SHANK2: variants seen among roughly 807,000 people sequenced by gnomAD.
SHANK2 encodes SH3 and multiple ankyrin repeat domains 2, also known as SH3 and multiple ankyrin repeat domains protein 2.
SHANK2 carries 43 observed loss-of-function variants against 133.7 expected under a neutral mutation model. The ratio of observed to expected loss-of-function variants is 0.32; its 90% CI spans 0.25 to 0.41. The LOEUF (loss-of-function observed/expected upper bound fraction) is 0.41. Among genes scored for constraint, SHANK2 ranks in the 10% least tolerant of loss-of-function variants. SHANK2 has a pLI of 1.00. For synonymous variants in SHANK2, 1,017 were observed against 952.8 expected, an observed-to-expected ratio of 1.07 and a Z score of -1.24; for missense variants, 1,994 against 2,235.8, an observed-to-expected ratio of 0.89 and a Z score of 2.18.
At chr11:70,570,890 T>C (rs1460991024) in intron 17 of SHANK2, among the ~76,000 whole-genome samples, 1 of 152,190 alleles carries the variant, frequency 6.6e-6, no homozygotes, top group African/African-American at 2.4e-5. Context: ...GAAATATGGG[T>C]GGGGCTCTGA....
At chr11:71,201,969 A>G (rs1232735881) in intron 2 of SHANK2, among the ~76,000 whole-genome samples, 1 of 152,250 alleles carries the variant, frequency 6.6e-6, no homozygotes, top group Non-Finnish European at 1.5e-5. Flanking sequence ...CCCCTGTTCT[A>G]CAGGATACCG....
chr11:71,163,176 T>C (rs1202103161), intron 2 of SHANK2, among the ~76,000 whole-genome samples: 1 of 149,638 alleles, frequency 6.7e-6, no homozygotes, highest in Admixed American at 6.6e-5. Flanking sequence ...ATGGTGGGTA[T>C]AGAGTCATTA....
chr11:71,215,908 G>A (rs781984525), intron 2 of SHANK2, among the ~76,000 whole-genome samples: 12 of 152,072 alleles, frequency 7.9e-5, no homozygotes, highest in South Asian at 2.1e-4. Flanking sequence ...CAAATCTTTC[G>A]AACCACAATG....
intron 17 of SHANK2, among the ~76,000 whole-genome samples, chr11:70,577,150 G>A (rs568960097): frequency 3.5e-4 from 53 of 152,312 alleles, no homozygotes; most frequent in African/African-American, 9.6e-4. Context: ...ACGTGACACC[G>A]TGGAGCCCAG....
chr11:71,136,356 G>A (rs1276782015), intron 3 of SHANK2, among the ~76,000 whole-genome samples: 3 of 152,156 alleles, frequency 2.0e-5, no homozygotes, highest in Non-Finnish European at 4.4e-5. Context: ...GATGGAACTG[G>A]AGACCATTAT....
intron 17 of SHANK2, among the ~76,000 whole-genome samples, chr11:70,565,215 T>TCGTC (rs1554981641): frequency 6.7e-6 from 1 of 149,008 alleles, no homozygotes; most frequent in African/African-American, 2.5e-5. Context: ...GGAAGCAGTT[T>TCGTC]CATCCATCCA....
At chr11:71,173,617 T>C (rs1351940496) in intron 2 of SHANK2, among the ~76,000 whole-genome samples, 3 of 152,236 alleles carry the variant, frequency 2.0e-5, no homozygotes, top group African/African-American at 7.2e-5. Context: ...TTCCAAAACA[T>C]GCTGAAACCT....
chr11:70,490,567 C>T (rs537690212), intron 22 of SHANK2, among the ~76,000 whole-genome samples, 180 bp from the exon 23 acceptor site: 1 of 152,384 alleles, frequency 6.6e-6, no homozygotes, highest in Non-Finnish European at 1.5e-5. Context: ...AGGAAGGTCC[C>T]TCTCTAGGTG....
intron 1 of SHANK2, among the ~76,000 whole-genome samples, chr11:71,249,082 G>T (rs563913453): frequency 6.6e-6 from 1 of 152,168 alleles, no homozygotes; most frequent in Non-Finnish European, 1.5e-5. Flanking sequence ...TTGGGTGGGA[G>T]GTTAGGTGCA....
intron 2 of SHANK2, among the ~76,000 whole-genome samples, chr11:71,216,306 G>A (rs1226548175): frequency 6.6e-6 from 1 of 152,188 alleles, no homozygotes; most frequent in African/African-American, 2.4e-5. Context: ...AGGAATCACT[G>A]AATCATGCTA....
At chr11:70,899,591 T>C (rs1949994867) in intron 10 of SHANK2, among the ~76,000 whole-genome samples, 1 of 152,206 alleles carries the variant, frequency 6.6e-6, no homozygotes, top group Non-Finnish European at 1.5e-5. Context: ...AGTCAGAAGC[T>C]GAGGTGCCGT....
intron 17 of SHANK2, among the ~76,000 whole-genome samples, chr11:70,531,751 G>A (rs1192608482): frequency 6.6e-6 from 1 of 152,218 alleles, no homozygotes; most frequent in Admixed American, 6.5e-5. Flanking sequence ...TCCTGGGCCT[G>A]CATGTCACTC....
intron 12 of SHANK2, among the ~76,000 whole-genome samples, chr11:70,811,992 C>T (rs1282719970): frequency 6.6e-6 from 1 of 152,226 alleles, no homozygotes; most frequent in Non-Finnish European, 1.5e-5. Context: ...TCAACCTCCC[C>T]ATCAAAAAAG....
intron 14 of SHANK2, among the ~76,000 whole-genome samples, chr11:70,721,981 G>T (rs1275471632): frequency 1.3e-5 from 2 of 152,252 alleles, no homozygotes; most frequent in Non-Finnish European, 2.9e-5. Context: ...GTCGAGGTGT[G>T]AGTGCACCTC....
intron 17 of SHANK2, among the ~76,000 whole-genome samples, chr11:70,544,209 G>T (rs1380202110): frequency 6.6e-6 from 1 of 152,028 alleles, no homozygotes; most frequent in Non-Finnish European, 1.5e-5. Context: ...ACATGCAGGA[G>T]AGAGTCCTGG....
chr11:70,845,498 T>C (rs1446706259), intron 11 of SHANK2, among the ~76,000 whole-genome samples: 3 of 152,162 alleles, frequency 2.0e-5, no homozygotes, highest in Admixed American at 2.0e-4. Flanking sequence ...ATGTGCTTAT[T>C]GGCCCCGGGG....
chr11:70,501,099 C>A (rs1179019548), intron 20 of SHANK2, among the ~76,000 whole-genome samples: 1 of 151,130 alleles, frequency 6.6e-6, no homozygotes, highest in Non-Finnish European at 1.5e-5. Flanking sequence ...AGGCTGGTCA[C>A]CTCCTCCGTC....
chr11:70,730,051 ATG>A (rs1417415233), intron 14 of SHANK2, among the ~76,000 whole-genome samples: 1 of 151,934 alleles, frequency 6.6e-6, no homozygotes, highest in Non-Finnish European at 1.5e-5. Context: ...ACCATTGCAG[ATG>A]TGTCGGGCCT....
chr11:70,786,174 A>G (rs782809851), intron 14 of SHANK2, among the ~76,000 whole-genome samples: 3 of 152,194 alleles, frequency 2.0e-5, no homozygotes, highest in Non-Finnish European at 2.9e-5. Flanking sequence ...ATAAAGTGGA[A>G]TTATGACCTT....
Sources: allele counts gnomAD v4.1 joint callset (sites outside exome capture counted in the v4.1 genomes callset), GRCh38; gene constraint gnomAD v4.1.1; transcripts MANE v1.5; gene names NCBI Gene and HGNC (gene_info 2026-07-23, HGNC 2026-07-21).